Variants in AHCYL2 observed in about 807,000 individuals in gnomAD.
AHCYL2 encodes S-adenosylhomocysteine hydrolase-like protein 2.
Under a neutral mutation model 81.4 loss-of-function variants are expected in AHCYL2, and 28 were observed. The observed-to-expected ratio is 0.34, with a 90% CI of 0.25 to 0.47. The LOEUF (loss-of-function observed/expected upper bound fraction) is 0.47, where lower values mean the gene tolerates loss of function less well. Among genes scored for constraint, AHCYL2 ranks in the 20% least tolerant of loss-of-function variants. AHCYL2 has a pLI of 1.00. For synonymous variants in AHCYL2, 272 were observed against 290.2 expected, an observed-to-expected ratio of 0.94 and a Z score of 0.64; for missense variants, 551 against 785.1, an observed-to-expected ratio of 0.70 and a Z score of 3.56.
chr7:129,309,211 G>T (rs899659338), intron 1 of AHCYL2, among the ~76,000 whole-genome samples: 1 of 148,952 alleles, frequency 6.7e-6, no homozygotes, highest in African/African-American at 2.5e-5. Flanking sequence ...TAGCCTGGGC[G>T]ACAGAGCAAG....
At chr7:129,258,878 T>G (rs1795520926) in intron 1 of AHCYL2, among the ~76,000 whole-genome samples, 1 of 152,138 alleles carries the variant, frequency 6.6e-6, no homozygotes, top group Non-Finnish European at 1.5e-5. Flanking sequence ...TAAATGAGCC[T>G]TCTTGGGCAG....
chr7:129,321,750 T>G (rs1270054753), intron 1 of AHCYL2, among the ~76,000 whole-genome samples: 8 of 146,264 alleles, frequency 5.5e-5, no homozygotes, highest in South Asian at 2.2e-4. Flanking sequence ...TTTGTTTTTT[T>G]TTTTTTTTTT....
chr7:129,304,872 A>G (rs956549498), intron 1 of AHCYL2, among the ~76,000 whole-genome samples: 1 of 150,294 alleles, frequency 6.7e-6, no homozygotes, highest in South Asian at 2.1e-4. Context: ...AGTTTAGTCC[A>G]TTTACATTCA....
intron 1 of AHCYL2, among the ~76,000 whole-genome samples, chr7:129,279,335 A>C (rs1008996219): frequency 6.6e-6 from 1 of 151,932 alleles, no homozygotes; most frequent in African/African-American, 2.4e-5. Context: ...TTTTTAATAG[A>C]GATGAGGTTC....
At chr7:129,391,076 A>G (rs1795447550) in intron 4 of AHCYL2, among the ~76,000 whole-genome samples, 1 of 152,196 alleles carries the variant, frequency 6.6e-6, no homozygotes. Context: ...ATACTTGAGG[A>G]CAACTATAGT....
chr7:129,256,934 AAAT>A (rs1200481365), intron 1 of AHCYL2, among the ~76,000 whole-genome samples: 15 of 152,246 alleles, frequency 9.9e-5, no homozygotes, highest in Admixed American at 3.3e-4. Context: ...TAAAATTTAT[AAAT>A]AATAAAATTT....
At chr7:129,274,427 G>A (rs1158609004) in intron 1 of AHCYL2, among the ~76,000 whole-genome samples, 1 of 152,206 alleles carries the variant, frequency 6.6e-6, no homozygotes, top group Non-Finnish European at 1.5e-5. Context: ...TTAGAAGAGG[G>A]TGAGTGTATT....
At chr7:129,357,605 T>G (rs1182664870) in intron 1 of AHCYL2, among the ~76,000 whole-genome samples, 4 of 152,060 alleles carry the variant, frequency 2.6e-5, no homozygotes, top group Non-Finnish European at 4.4e-5. Context: ...ACTCTTCACA[T>G]AAGATGATGT....
Position 129,368,982 on chromosome 7 carries a change from A to G in AHCYL2, c.364-10656A>G, listed in dbSNP as rs1017446509. 5.9e-5 allele frequency among the ~76,000 whole-genome samples: 9 copies of G among 152,210 alleles called. No individual in the cohort carries two copies. The highest frequency in any genetic ancestry group is 2.2e-4 in the African/African-American group (9 of 41,452). On this transcript the variant is annotated intron_variant, in intron 1 of 16. Coordinates refer to ENST00000325006, the MANE Select transcript of AHCYL2 (RefSeq NM_015328.4). The surrounding 1 kb of genome is among the most constrained non-coding windows in gnomAD (Gnocchi z 4.4). ...CTCTCTGAAGTCTGCAAAGATTGCA[A>G]ACATTTCTCCCCTCCCTGCCCGTAT...
At chr7:129,245,961 T>A (rs1795040658) in intron 1 of AHCYL2, among the ~76,000 whole-genome samples, 1 of 152,234 alleles carries the variant, frequency 6.6e-6, no homozygotes, top group Non-Finnish European at 1.5e-5. Flanking sequence ...GTTTTACATT[T>A]CTATCATCAG....
chr7:129,350,115 G>A (rs1793505047), intron 1 of AHCYL2, among the ~76,000 whole-genome samples: 1 of 152,142 alleles, frequency 6.6e-6, no homozygotes, highest in Non-Finnish European at 1.5e-5. Flanking sequence ...TGACTTACAA[G>A]GCAGTTCAGG....
In AHCYL2 at chr7:129,328,771, C is replaced by T. The variant is rs914539945; in HGVS notation, c.364-50867C>T. Among the ~76,000 whole-genome samples the T allele has an allele frequency of 1.1e-4, 17 of 152,310 alleles. No homozygotes were observed. In the South Asian group the frequency reaches 3.1e-3, roughly 28 times the overall value. ...AAAGTGTTGGGATTACAGGCATGAG[C>T]CACCATGCCCAGCCTGATTTGGCTT... On this transcript the variant is annotated intron_variant, in intron 1 of 16. Coordinates refer to ENST00000325006, the MANE Select transcript of AHCYL2 (RefSeq NM_015328.4).
intron 5 of AHCYL2, among the ~76,000 whole-genome samples, chr7:129,399,926 A>C (rs914338241): frequency 6.6e-6 from 1 of 152,010 alleles, no homozygotes; most frequent in Non-Finnish European, 1.5e-5. Flanking sequence ...AGGTTTCATC[A>C]TGTTGGCCAG....
At chr7:129,258,104 G>A in intron 1 of AHCYL2, among the ~76,000 whole-genome samples, 1 of 152,116 alleles carries the variant, frequency 6.6e-6, no homozygotes, top group East Asian at 1.9e-4. Context: ...CTACAGATCA[G>A]TACCCCTGTG....
In AHCYL2 at chr7:129,368,613, T is replaced by G; in HGVS notation, c.364-11025T>G. On this transcript the variant is annotated intron_variant, in intron 1 of 16. Coordinates refer to ENST00000325006, the MANE Select transcript of AHCYL2 (RefSeq NM_015328.4). This position sits in a 1 kb window ranked among gnomAD's most constrained non-coding sequence, Gnocchi z 4.4. ...CTTGATAATGAGAGGCAACCATTTC[T>G]GACGGGTGACAAGGATCACCTCTGA... The G allele has an allele frequency of 6.3e-7, 1 of 1,587,564 alleles. No homozygotes were observed. Among genetic ancestry groups the G allele is most frequent in the Non-Finnish European group, 8.7e-7 (1 of 1,156,040 alleles).
intron 1 of AHCYL2, among the ~76,000 whole-genome samples, chr7:129,326,761 G>A (rs1159334837): frequency 6.6e-6 from 1 of 152,072 alleles, no homozygotes; most frequent in African/African-American, 2.4e-5. Context: ...CAAGATACAA[G>A]GGATGTTAGA....
chr7:129,258,907 A>G (rs968715177), intron 1 of AHCYL2, among the ~76,000 whole-genome samples: 7 of 152,200 alleles, frequency 4.6e-5, no homozygotes, highest in African/African-American at 1.7e-4. Context: ...GAGCGTGAGC[A>G]CTTGTTAGGG....
At chr7:129,274,733 G>T (rs1796139839) in intron 1 of AHCYL2, among the ~76,000 whole-genome samples, 1 of 152,168 alleles carries the variant, frequency 6.6e-6, no homozygotes, top group Non-Finnish European at 1.5e-5. Flanking sequence ...TCCCCAGCCA[G>T]ATGGAGAGGA....
chr7:129,344,692 T>C (rs955630874), intron 1 of AHCYL2, among the ~76,000 whole-genome samples: 7 of 152,144 alleles, frequency 4.6e-5, no homozygotes, highest in East Asian at 3.9e-4. Flanking sequence ...AGGCCCTAAG[T>C]TGGAAAAGAA....
Sources: gnomAD v4.1 joint callset for allele counts (sites outside exome capture counted in the v4.1 genomes callset) on GRCh38, gnomAD v4.1.1 for gene constraint, Gnocchi (gnomAD v3.1) non-coding constraint, MANE v1.5 for transcripts, NCBI Gene and HGNC (gene_info 2026-07-23, HGNC 2026-07-21) for gene names.